CNTN1: variants seen among roughly 807,000 people sequenced by gnomAD.
CNTN1 encodes the protein contactin 1.
In CNTN1, 38 loss-of-function variants were observed where a neutral mutation model predicts 126.4. The observed-to-expected ratio is 0.30, with a 90% CI of 0.23 to 0.39. The LOEUF is 0.39. Among genes scored for constraint, CNTN1 ranks in the 10% least tolerant of loss-of-function variants. The pLI, the probability that CNTN1 is intolerant of heterozygous loss-of-function variation, is 1.00. For missense variants in CNTN1, 1,009 were observed against 1,248.4 expected, an observed-to-expected ratio of 0.81 and a Z score of 2.89; for synonymous variants, 413 against 422.6, an observed-to-expected ratio of 0.98 and a Z score of 0.28.
intron 23 of CNTN1, among the ~76,000 whole-genome samples, chr12:41,060,356 G>C (rs919461330): frequency 6.6e-6 from 1 of 152,142 alleles, no homozygotes; most frequent in Non-Finnish European, 1.5e-5. Flanking sequence ...GCACTGAAGA[G>C]GAACCATTAA....
intron 1 of CNTN1, among the ~76,000 whole-genome samples, chr12:40,869,020 A>G (rs1208835797): frequency 6.6e-6 from 1 of 151,936 alleles, no homozygotes; most frequent in Non-Finnish European, 1.5e-5. Context: ...CAGAAATATT[A>G]AAGTCAATAT....
intron 17 of CNTN1, among the ~76,000 whole-genome samples, chr12:40,995,828 C>T (rs1240676494): frequency 6.6e-6 from 1 of 152,136 alleles, no homozygotes; most frequent in Non-Finnish European, 1.5e-5. Flanking sequence ...GATTAATAAA[C>T]TCATTACTAT....
chr12:41,021,682 T>G (rs1329398888), intron 20 of CNTN1, among the ~76,000 whole-genome samples: 4 of 151,252 alleles, frequency 2.6e-5, no homozygotes, highest in Non-Finnish European at 4.4e-5. Context: ...TGGGAAGATC[T>G]TAAAGAGCCC....
chr12:40,957,542 T>C (rs1195694006), intron 14 of CNTN1, among the ~76,000 whole-genome samples: 3 of 150,354 alleles, frequency 2.0e-5, no homozygotes, highest in Non-Finnish European at 4.4e-5. Context: ...GGTTTTCTGA[T>C]AAAATAGAGA....
intron 1 of CNTN1, among the ~76,000 whole-genome samples, chr12:40,854,500 A>C (rs539219986): frequency 6.6e-6 from 1 of 152,254 alleles, no homozygotes; most frequent in East Asian, 1.9e-4. Context: ...TAAGTCTCTA[A>C]GTCAAGACTC....
intron 1 of CNTN1, among the ~76,000 whole-genome samples, chr12:40,861,273 T>C (rs1943107938): frequency 6.6e-6 from 1 of 152,146 alleles, no homozygotes. Flanking sequence ...TCAGCCCATT[T>C]ATAAAACATT....
chr12:40,979,927 C>CTTCAATATAA (rs1947775300), intron 15 of CNTN1, among the ~76,000 whole-genome samples: 1 of 152,032 alleles, frequency 6.6e-6, no homozygotes, highest in Non-Finnish European at 1.5e-5. Context: ...TTCTAAGACT[C>CTTCAATATAA]TTCAATATAA....
chr12:40,810,953 C>T (rs777886640), intron 1 of CNTN1, among the ~76,000 whole-genome samples: 2 of 152,148 alleles, frequency 1.3e-5, no homozygotes, highest in Admixed American at 6.5e-5. Flanking sequence ...CAATCAGCTA[C>T]AACCATGGCA....
intron 1 of CNTN1, among the ~76,000 whole-genome samples, chr12:40,848,345 T>G (rs555851985): frequency 6.6e-6 from 1 of 152,302 alleles, no homozygotes; most frequent in East Asian, 1.9e-4. Context: ...TTAGCAAAAA[T>G]GGTACTGTGC....
rs755683184 is a variant in CNTN1 at position 41,029,133 on chromosome 12, C to T, written c.2894C>T (p.Pro965Leu). ...YSTHKHSIEV[P>L]IPRDGEYVVE... ...ACTCACAAACACTCCATAGAAGTCCCAATCCCCAGAGATGGAGAATACGTT... is the reference window on the plus strand; with the variant it reads ...ACTCACAAACACTCCATAGAAGTCCTAATCCCCAGAGATGGAGAATACGTT... Residue 965 changes from proline to leucine, a missense_variant, in exon 23 of 24, where the codon CCA (proline) becomes CTA (leucine). Physicochemically the swap from Pro to Leu is moderately conservative, Grantham distance 98. Transcript: ENST00000551295. 6.2e-7 allele frequency: 1 copy of T among 1,614,096 alleles called. No individual in the cohort carries two copies. Among genetic ancestry groups the T allele is most frequent in the Non-Finnish European group, 8.5e-7 (1 of 1,179,994 alleles).
chr12:41,054,146 G>A (rs961387764), intron 23 of CNTN1, among the ~76,000 whole-genome samples: 1 of 151,656 alleles, frequency 6.6e-6, no homozygotes, highest in Admixed American at 6.6e-5. Flanking sequence ...GGACTATATA[G>A]TGCCTTAAAG....
At chr12:40,945,029 T>A (rs1414764551) in intron 14 of CNTN1, among the ~76,000 whole-genome samples, 2 of 152,118 alleles carry the variant, frequency 1.3e-5, no homozygotes, top group Non-Finnish European at 2.9e-5. Flanking sequence ...AAGATTGATA[T>A]GTACACATTA....
chr12:40,698,581 A>T (rs1265101552), intron 1 of CNTN1, among the ~76,000 whole-genome samples: 2 of 152,084 alleles, frequency 1.3e-5, no homozygotes, highest in Non-Finnish European at 2.9e-5. Flanking sequence ...TTTTCTGTGT[A>T]AGAAACATAT....
chr12:40,787,329 G>A (rs1353316138), intron 1 of CNTN1, among the ~76,000 whole-genome samples: 1 of 152,128 alleles, frequency 6.6e-6, no homozygotes, highest in East Asian at 1.9e-4. Flanking sequence ...CCAAATATGT[G>A]CTCACTACTC....
At chr12:40,982,449 C>T (rs1004738949) in intron 16 of CNTN1, among the ~76,000 whole-genome samples, 1 of 152,084 alleles carries the variant, frequency 6.6e-6, no homozygotes. Flanking sequence ...AAAAGAAATA[C>T]TAATTGCAAT....
In CNTN1 at chr12:40,725,350, G is replaced by A. The variant is rs554795542; in HGVS notation, c.-77+32758G>A. The stretch of plus-strand genomic sequence containing the variant: ...TGAGAGGCAGAGGTTGCGGTGAGCC[G>A]AGATCACACCATTGCACTCCAGCCT... On this transcript the variant is annotated intron_variant, in intron 1 of 23. Coordinates refer to ENST00000551295, the MANE Select transcript of CNTN1 (RefSeq NM_001843.4). Among the ~76,000 whole-genome samples, 8 of 130,374 alleles carry A rather than the reference G, an allele frequency of 6.1e-5. No individual in the cohort carries two copies. The South Asian group carries it at 7.3e-4, about 12-fold the overall frequency. The allele number at this position is 130,374 out of a possible 152,430, so 85.5% of individuals were successfully genotyped here.
At chr12:40,809,849 C>CAA (rs1555162091) in intron 1 of CNTN1, among the ~76,000 whole-genome samples, 8 of 141,932 alleles carry the variant, frequency 5.6e-5, no homozygotes, top group African/African-American at 2.0e-4. Flanking sequence ...CACACACACA[C>CAA]AAAAGTCAAA....
chr12:40,889,053 G>A (rs574073474), intron 1 of CNTN1, among the ~76,000 whole-genome samples: 3 of 152,362 alleles, frequency 2.0e-5, no homozygotes, highest in South Asian at 2.1e-4. Flanking sequence ...GACTGAAGCT[G>A]TAAAAAGTTG....
intron 1 of CNTN1, among the ~76,000 whole-genome samples, chr12:40,860,903 T>C (rs573365795): frequency 1.3e-5 from 2 of 152,136 alleles, no homozygotes; most frequent in South Asian, 4.1e-4. Context: ...TCCCTCATCC[T>C]GAAGCTATCT....
Sources: allele counts gnomAD v4.1 joint callset (sites outside exome capture counted in the v4.1 genomes callset), GRCh38; gene constraint gnomAD v4.1.1; transcripts MANE v1.5; gene names NCBI Gene and HGNC (gene_info 2026-07-23, HGNC 2026-07-21).